PCDHGB2: variants seen among roughly 807,000 people sequenced by gnomAD.
PCDHGB2 encodes protocadherin gamma-B2.
A neutral mutation model predicts 59.3 loss-of-function variants in PCDHGB2; 55 were observed. The ratio of observed to expected loss-of-function variants is 0.93; its 90% CI spans 0.75 to 1.16. PCDHGB2 has a LOEUF of 1.16. Ranked by LOEUF, PCDHGB2 falls within the 50% of genes most tolerant of loss-of-function variation. PCDHGB2 has a pLI of 0.00. For synonymous variants in PCDHGB2, 516 were observed against 512.0 expected (o/e 1.01, Z -0.11); for missense variants, 1,228 against 1,198.5 (o/e 1.02, Z -0.36).
chr5:141,389,068 C>T (rs1265953328), intron 1 of PCDHGB2: 2 of 1,613,904 alleles, frequency 1.2e-6, no homozygotes, highest in East Asian at 2.2e-5. Flanking sequence ...ATATTAACTT[C>T]TTCAAGAAAC....
chr5:141,418,273 A>G (rs1440274831), intron 1 of PCDHGB2: 2 of 1,614,082 alleles, frequency 1.2e-6, no homozygotes, highest in Non-Finnish European at 8.5e-7. Flanking sequence ...AAGATGAAAT[A>G]AACTTAGAAA....
chr5:141,468,939 G>A (rs2099186103), intron 1 of PCDHGB2, among the ~76,000 whole-genome samples: 1 of 144,350 alleles, frequency 6.9e-6, no homozygotes, highest in Non-Finnish European at 1.5e-5. Context: ...ATGGGAGATG[G>A]GGTAAACCTG....
intron 1 of PCDHGB2, chr5:141,418,372 A>G (rs771262387): frequency 3.1e-6 from 5 of 1,613,968 alleles, no homozygotes; most frequent in Non-Finnish European, 3.4e-6. Context: ...GCAAATACCA[A>G]CTAAGTCCTA....
At chr5:141,461,409 A>G (rs572412049) in intron 1 of PCDHGB2, among the ~76,000 whole-genome samples, 1 of 151,928 alleles carries the variant, frequency 6.6e-6, no homozygotes, top group East Asian at 1.9e-4. Flanking sequence ...GCATTTTTTC[A>G]TATGTTTGTG....
chr5:141,482,601 A>T (rs1158399317), intron 1 of PCDHGB2, among the ~76,000 whole-genome samples: 1 of 152,002 alleles, frequency 6.6e-6, no homozygotes, highest in Non-Finnish European at 1.5e-5. Flanking sequence ...ACGGGAAAAA[A>T]CACCTAAATG....
chr5:141,420,415 TAAAAC>T, intron 1 of PCDHGB2: 1 of 1,217,298 alleles, frequency 8.2e-7, no homozygotes, highest in Non-Finnish European at 1.1e-6. Flanking sequence ...TTATCATTAT[TAAAAC>T]AAAAGTTTAA....
chr5:141,421,201 C>A, intron 1 of PCDHGB2: 3 of 1,518,204 alleles, frequency 2.0e-6, no homozygotes, highest in Non-Finnish European at 2.6e-6. Context: ...GCTCGAGAAA[C>A]CGCGGAATAT....
rs1594951324 is a variant in PCDHGB2, at chr5:141,490,871, T to G, written c.2422-3936T>G. 6.2e-7 allele frequency: 1 copy of G among 1,613,918 alleles called. No individual in the cohort carries two copies. The highest frequency in any genetic ancestry group is 8.5e-7 in the Non-Finnish European group (1 of 1,179,944). On this transcript the variant is annotated intron_variant, in intron 1 of 3. Coordinates refer to ENST00000522605, the MANE Select transcript of PCDHGB2 (RefSeq NM_018923.3). This position sits in a 1 kb window ranked among gnomAD's most constrained non-coding sequence, Gnocchi z 5.4. ...GTTCGAGACTCCGGCTCTCCCCCAT[T>G]GCATGCCAACACATCTCTGCATGTG...
chr5:141,422,165 A>G (rs771382434), intron 1 of PCDHGB2: 3 of 1,569,306 alleles, frequency 1.9e-6, no homozygotes, highest in Admixed American at 4.0e-5. Flanking sequence ...TTTGAAAAAT[A>G]TAGATTCTAT....
chr5:141,425,897 A>G (rs893972047), intron 1 of PCDHGB2, among the ~76,000 whole-genome samples: 1 of 152,240 alleles, frequency 6.6e-6, no homozygotes, highest in African/African-American at 2.4e-5. Context: ...TTTGGTAGTA[A>G]ACACTGGAAA....
chr5:141,484,845 G>T (rs541372844), intron 1 of PCDHGB2, among the ~76,000 whole-genome samples: 10 of 152,076 alleles, frequency 6.6e-5, no homozygotes, highest in Admixed American at 2.6e-4. Flanking sequence ...GATAGGCTGG[G>T]TTTTTTGGGG....
chr5:141,451,597 C>A (rs2098719892), intron 1 of PCDHGB2, among the ~76,000 whole-genome samples: 1 of 152,076 alleles, frequency 6.6e-6, no homozygotes, highest in Admixed American at 6.6e-5. Context: ...AAGTGACATA[C>A]AAGGCTAGGC....
rs746242389 is a variant in PCDHGB2 at position 141,491,254 on chromosome 5, G to C, written c.2422-3553G>C. 3 of 1,614,080 alleles carry C rather than the reference G, an allele frequency of 1.9e-6. No individual in the cohort carries two copies. In the African/African-American group the frequency reaches 4.0e-5, roughly 22 times the overall value. On this transcript the variant is annotated intron_variant, in intron 1 of 3. Transcript: ENST00000522605. This position sits in a 1 kb window ranked among gnomAD's most constrained non-coding sequence, Gnocchi z 6.9. ...GCTGGTTCTGGAGGATGAGGACCCT[G>C]AGGAAATGCCCAAATCCAGTGACTT...
intron 1 of PCDHGB2, chr5:141,400,068 GC>G (rs1160956861): frequency 6.2e-7 from 1 of 1,613,706 alleles, no homozygotes; most frequent in African/African-American, 1.3e-5. Context: ...ATGGTGGACA[GC>G]CGCCACTCTC....
At chr5:141,401,391 T>C (rs923364219) in intron 1 of PCDHGB2, among the ~76,000 whole-genome samples, 1 of 152,140 alleles carries the variant, frequency 6.6e-6, no homozygotes, top group Non-Finnish European at 1.5e-5. Flanking sequence ...ATACTACATG[T>C]TATGTGTATG....
rs746357528 is a variant in PCDHGB2, at chr5:141,375,442, C to G, written c.2421+12886C>G. 3.1e-6 allele frequency: 5 copies of G among 1,614,034 alleles called. No homozygotes were observed. In the South Asian group the frequency reaches 3.3e-5, roughly 11 times the overall value. On this transcript the variant is annotated intron_variant, in intron 1 of 3. Coordinates refer to ENST00000522605, the MANE Select transcript of PCDHGB2 (RefSeq NM_018923.3). ...CCAACGACAACCCGCCCACCTTCCC[C>G]CATTCATCCTACTCAGTCTATGTCC... is the stretch of plus-strand genomic sequence containing the variant.
At chr5:141,402,469 A>G (rs2094270515) in intron 1 of PCDHGB2, among the ~76,000 whole-genome samples, 1 of 152,224 alleles carries the variant, frequency 6.6e-6, no homozygotes. Context: ...ATCTAGAAAT[A>G]GAGTGCAAAG....
At chr5:141,363,384 T>C (rs2149845337) in intron 1 of PCDHGB2, among the ~76,000 whole-genome samples, 1 of 152,366 alleles carries the variant, frequency 6.6e-6, no homozygotes, top group African/African-American at 2.4e-5. Flanking sequence ...TTTTTCTATT[T>C]CTGTTGTCAT....
intron 1 of PCDHGB2, among the ~76,000 whole-genome samples, chr5:141,453,076 G>A (rs2098755408): frequency 1.3e-5 from 2 of 151,984 alleles, no homozygotes; most frequent in Admixed American, 6.6e-5. Flanking sequence ...CCACACTCTG[G>A]TTGATTAGTA....
Sources: gnomAD v4.1 joint callset for allele counts (sites outside exome capture counted in the v4.1 genomes callset) on GRCh38, gnomAD v4.1.1 for gene constraint, Gnocchi (gnomAD v3.1) non-coding constraint, MANE v1.5 for transcripts, NCBI Gene and HGNC (gene_info 2026-07-23, HGNC 2026-07-21) for gene names.